Variants in SORCS2 observed in about 807,000 individuals in gnomAD.
The protein encoded by SORCS2 is VPS10 domain-containing receptor SorCS2.
Under a neutral mutation model 141.6 loss-of-function variants are expected in SORCS2, and 100 were observed. The observed-to-expected ratio is 0.71, with a 90% CI of 0.60 to 0.83. The LOEUF (loss-of-function observed/expected upper bound fraction) is 0.83, where lower values mean the gene tolerates loss of function less well. Among genes scored for constraint, SORCS2 ranks in the 40% least tolerant of loss-of-function variants. SORCS2 has a pLI of 0.00. For missense variants in SORCS2, 1,646 were observed against 1,560.2 expected (o/e 1.05, Z -0.93); for synonymous variants, 789 against 676.9 (o/e 1.17, Z -2.57).
chr4:7,451,198 G>T (rs1159878434), intron 2 of SORCS2, among the ~76,000 whole-genome samples: 2 of 152,240 alleles, frequency 1.3e-5, no homozygotes, highest in South Asian at 2.1e-4. Flanking sequence ...ATGAATGCAT[G>T]ATGGAGTGAG....
At chr4:7,357,902 C>G (rs770168680) in intron 1 of SORCS2, among the ~76,000 whole-genome samples, 1 of 152,142 alleles carries the variant, frequency 6.6e-6, no homozygotes, top group Admixed American at 6.5e-5. Flanking sequence ...TGTCTAAACA[C>G]GGTTCAAATG....
intron 4 of SORCS2, among the ~76,000 whole-genome samples, chr4:7,640,397 A>AGT (rs375762861): frequency 6.7e-5 from 5 of 74,652 alleles, no homozygotes; most frequent in African/African-American, 3.4e-4. Context: ...TGGGTGTGTG[A>AGT]GTGTGTGTGG....
At chr4:7,427,103 G>A (rs1311591426) in intron 2 of SORCS2, among the ~76,000 whole-genome samples, 1 of 152,186 alleles carries the variant, frequency 6.6e-6, no homozygotes, top group African/African-American at 2.4e-5. Context: ...CCTGGATCTG[G>A]AGAGTTTGAG....
intron 26 of SORCS2, 136 bp downstream of exon 26, chr4:7,737,308 C>A (rs1034198672): frequency 8.0e-7 from 1 of 1,257,366 alleles, no homozygotes; most frequent in Non-Finnish European, 1.1e-6. Flanking sequence ...CCCTTGCCAG[C>A]GGGTCGGTCG....
chr4:7,193,654 C>T lies in SORCS2; in HGVS notation c.480+528C>T, dbSNP rs552932598. Among the ~76,000 whole-genome samples, 1 of 152,300 alleles carries T rather than the reference C, an allele frequency of 6.6e-6. No homozygotes were observed. Among genetic ancestry groups the T allele is most frequent in the South Asian group, 2.1e-4 (1 of 4,832 alleles). On this transcript the variant is annotated intron_variant, in intron 1 of 26. Coordinates refer to ENST00000507866, the MANE Select transcript of SORCS2 (RefSeq NM_020777.3). The surrounding 1 kb of genome is among the most constrained non-coding windows in gnomAD (Gnocchi z 4.8). ...TGGGACTCTGGGATTTCTGGGTTAC[C>T]CCTCTCCCCGGGGTACTCTAGTGCG...
chr4:7,227,164 C>G (rs1237062867), intron 1 of SORCS2, among the ~76,000 whole-genome samples: 1 of 152,238 alleles, frequency 6.6e-6, no homozygotes, highest in East Asian at 1.9e-4. Context: ...GAAGGAACAT[C>G]AGGCTTGAGC....
At chr4:7,212,353 T>C (rs542842497) in intron 1 of SORCS2, among the ~76,000 whole-genome samples, 1 of 152,198 alleles carries the variant, frequency 6.6e-6, no homozygotes, top group African/African-American at 2.4e-5. Context: ...CCTGCAATGC[T>C]GTGTACAAAA....
chr4:7,554,878 T>C (rs1281135173), intron 3 of SORCS2, among the ~76,000 whole-genome samples: 3 of 152,180 alleles, frequency 2.0e-5, no homozygotes, highest in South Asian at 2.1e-4. Flanking sequence ...TTGGAACACC[T>C]GCCTCCAGAA....
intron 3 of SORCS2, among the ~76,000 whole-genome samples, chr4:7,593,530 T>A (rs1057236783): frequency 2.0e-5 from 3 of 151,970 alleles, no homozygotes; most frequent in African/African-American, 7.3e-5. Context: ...TCCTCCCCTG[T>A]CCCCACACTC....
chr4:7,222,362 T>G (rs1156360104), intron 1 of SORCS2, among the ~76,000 whole-genome samples: 1 of 152,078 alleles, frequency 6.6e-6, no homozygotes, highest in East Asian at 1.9e-4. Context: ...AACAGGACAC[T>G]CAGTCAAAGA....
At chr4:7,280,734 A>T (rs2108858705) in intron 1 of SORCS2, among the ~76,000 whole-genome samples, 1 of 152,302 alleles carries the variant, frequency 6.6e-6, no homozygotes, top group Non-Finnish European at 1.5e-5. Flanking sequence ...GTCCTGCCTC[A>T]GTTTCCCCTT....
chr4:7,547,300 C>T (rs538340621), intron 3 of SORCS2, among the ~76,000 whole-genome samples: 46 of 152,326 alleles, frequency 3.0e-4, no homozygotes, highest in African/African-American at 9.6e-4. Flanking sequence ...CTCCAGCAGC[C>T]TCCCCACGGT....
intron 12 of SORCS2, among the ~76,000 whole-genome samples, chr4:7,698,275 G>A (rs1160811865): frequency 6.6e-6 from 1 of 152,144 alleles, no homozygotes; most frequent in Admixed American, 6.5e-5. Flanking sequence ...TCTGTTTGAG[G>A]TCAGTGTTTT....
intron 2 of SORCS2, among the ~76,000 whole-genome samples, chr4:7,447,159 G>A (rs1728054926): frequency 6.6e-6 from 1 of 152,196 alleles, no homozygotes; most frequent in Non-Finnish European, 1.5e-5. Context: ...GGCAGAGTTG[G>A]TTCCTTCCGA....
intron 1 of SORCS2, among the ~76,000 whole-genome samples, chr4:7,361,714 A>G (rs1189298144): frequency 1.3e-5 from 2 of 152,038 alleles, no homozygotes; most frequent in Non-Finnish European, 2.9e-5. Context: ...TGGGGACCCC[A>G]CTGCAGGCAG....
chr4:7,267,692 G>A (rs890139615), intron 1 of SORCS2, among the ~76,000 whole-genome samples: 13 of 152,192 alleles, frequency 8.5e-5, no homozygotes, highest in African/African-American at 2.9e-4. Flanking sequence ...TTAGCCAGGC[G>A]TGGTGGCAGG....
At chr4:7,645,153 A>AG in intron 4 of SORCS2, among the ~76,000 whole-genome samples, 1 of 152,094 alleles carries the variant, frequency 6.6e-6, no homozygotes, top group Admixed American at 6.5e-5. Flanking sequence ...TTAGGCATCT[A>AG]TTGACTGTGG....
intron 1 of SORCS2, among the ~76,000 whole-genome samples, chr4:7,323,662 A>G (rs1448425744): frequency 6.6e-6 from 1 of 152,050 alleles, no homozygotes; most frequent in Non-Finnish European, 1.5e-5. Context: ...CCACGTGGCT[A>G]GGGGTAGAGG....
At chr4:7,393,245 G>A (rs1472404877) in intron 1 of SORCS2, among the ~76,000 whole-genome samples, 2 of 152,156 alleles carry the variant, frequency 1.3e-5, no homozygotes, top group East Asian at 3.9e-4. Flanking sequence ...GCAGCCTCTG[G>A]ATGGGAGGAG....
Sources: allele counts gnomAD v4.1 joint callset (sites outside exome capture counted in the v4.1 genomes callset), GRCh38; gene constraint gnomAD v4.1.1; non-coding constraint Gnocchi (gnomAD v3.1); transcripts MANE v1.5; gene names NCBI Gene and HGNC (gene_info 2026-07-23, HGNC 2026-07-21).